Variants in CFAP46 observed in about 807,000 individuals in gnomAD.
CFAP46 encodes the protein cilia and flagella associated protein 46, also known as cilia- and flagella-associated protein 46.
A neutral mutation model predicts 325.7 loss-of-function variants in CFAP46; 245 were observed. The ratio of observed to expected loss-of-function variants is 0.75; its 90% confidence interval spans 0.68 to 0.84. CFAP46 has a LOEUF of 0.84. Among genes scored for constraint, CFAP46 ranks in the 40% least tolerant of loss-of-function variants. CFAP46 has a pLI of 0.00. For synonymous variants in CFAP46, 1,523 were observed against 1,495.9 expected (o/e 1.02, Z -0.42); for missense variants, 3,346 against 3,543.0 (o/e 0.94, Z 1.41).
chr10:132,877,944 A>G lies in CFAP46; in HGVS notation c.4149T>C (p.Asn1383=). 6.5e-7 allele frequency: 1 copy of G among 1,548,794 alleles called. No homozygotes were observed. The highest frequency in any genetic ancestry group is 8.7e-7 in the Non-Finnish European group (1 of 1,146,290). The change falls in exon 30 of 58, where the codon AAT becomes AAC. Residue 1383 remains asparagine (N), a synonymous_variant. Transcript: ENST00000368586. This position sits in a 1 kb window ranked among gnomAD's most constrained non-coding sequence, Gnocchi z 5.7. ...KEKERSKEKE[N]ERSKEKDKEK... is the part of the protein sequence containing the mutation. ...CCTTGTCCTTCTCTTTACTCCTCTC[A>G]TTCTCCTTCTCTTTACTCCTCTCCT...
chr10:132,912,544 T>TCTCTCTCTCTTCAC (rs1849564742), intron 19 of CFAP46, 111 bp downstream of exon 19: 4 of 966,474 alleles, frequency 4.1e-6, no homozygotes, highest in African/African-American at 1.8e-5. Context: ...TCCTCTCCTC[T>TCTCTCTCTCTTCAC]CTCTCTCTCT....
intron 48 of CFAP46, 117 bp from the exon 49 acceptor site, chr10:132,834,240 C>T (rs1255900219): frequency 2.1e-6 from 2 of 936,514 alleles, no homozygotes; most frequent in Non-Finnish European, 3.3e-6. Context: ...AATCCCCACG[C>T]TCACTTCTGG....
chr10:132,857,065 G>GT (rs1333634754), intron 39 of CFAP46, among the ~76,000 whole-genome samples: 1 of 152,230 alleles, frequency 6.6e-6, no homozygotes, highest in Non-Finnish European at 1.5e-5. Flanking sequence ...GGATCATGAG[G>GT]TTTTCCAATC....
At position 132,827,616 on chromosome 10, in the gene CFAP46, AGCTG is replaced by A. The variant is rs1414001210; in HGVS notation, c.7117+5738_7117+5741del. Among the ~76,000 whole-genome samples, 3 of 152,032 alleles carry A rather than the reference AGCTG, an allele frequency of 2.0e-5. No homozygotes were observed. The highest frequency in any genetic ancestry group is 7.2e-5 in the African/African-American group (3 of 41,398). ...TGTTCAGGTTCAACTGACCACAGGG[AGCTG>A]CCTGCATTTAAAGTGAGCAACGTGA... On this transcript the variant is annotated intron_variant, in intron 50 of 57. Coordinates refer to ENST00000368586, the MANE Select transcript of CFAP46 (RefSeq NM_001200049.3). The surrounding 1 kb of genome is among the most constrained non-coding windows in gnomAD (Gnocchi z 5.7).
At chr10:132,810,871 C>T (rs1847566543) in intron 56 of CFAP46, 79 bp downstream of exon 56, 17 of 1,342,052 alleles carry the variant, frequency 1.3e-5, no homozygotes, top group Non-Finnish European at 1.8e-5. Context: ...GGTCCCTCCT[C>T]CCTTGTGGGT....
rs896360314 is a variant in CFAP46, at chr10:132,866,211, C to T, written c.4744-40G>A. ...AGCCCCAGGCGGCACGATCCTGACA[C>T]TTGTGACCTCTGAGTCTCACGGGAC... On this transcript the variant is annotated intron_variant, in intron 34 of 57. Coordinates refer to ENST00000368586, the MANE Select transcript of CFAP46 (RefSeq NM_001200049.3). 1.1e-5 allele frequency: 16 copies of T among 1,457,668 alleles called. No homozygotes were observed. The Admixed American group carries it at 2.9e-4, about 26-fold the overall frequency. 90.3% of individuals were successfully genotyped at this position (1,457,668 alleles called of 1,614,324 possible). A position where few individuals can be genotyped will look rare whatever the true frequency, so the allele number is the denominator to read the frequency against.
At chr10:132,887,684 CCT>C (rs762517707) in intron 25 of CFAP46, among the ~76,000 whole-genome samples, 23 of 108,696 alleles carry the variant, frequency 2.1e-4, no homozygotes, top group African/African-American at 3.3e-4. Context: ...TCTCTCCTCT[CCT>C]CTCTCTCTCC....
chr10:132,845,017 C>G (rs1213957049), intron 44 of CFAP46, among the ~76,000 whole-genome samples: 2 of 152,186 alleles, frequency 1.3e-5, no homozygotes, highest in Non-Finnish European at 2.9e-5. Flanking sequence ...CCATGTCCAG[C>G]TTAGGCCACA....
In CFAP46 at chr10:132,846,315, C is replaced by T. The variant is rs772574892; in HGVS notation, c.6268-88G>A. ...TGCGGAGGGTGCGCAGCAGCTGCAG[C>T]CTGGGAGCAGGAGTGGGCTGGCTCT... On this transcript the variant is annotated intron_variant, in intron 43 of 57. Coordinates refer to ENST00000368586, the MANE Select transcript of CFAP46 (RefSeq NM_001200049.3). 3.0e-4 allele frequency: 442 copies of T among 1,464,254 alleles called. 4 individuals carry two copies. The highest frequency in any genetic ancestry group is 1.1e-3 in the Admixed American group (49 of 45,844). 90.7% of individuals were successfully genotyped at this position (1,464,254 alleles called of 1,614,324 possible).
chr10:132,872,043 G>A (rs1848901882), intron 32 of CFAP46, among the ~76,000 whole-genome samples: 1 of 152,078 alleles, frequency 6.6e-6, no homozygotes, highest in Non-Finnish European at 1.5e-5. Context: ...TAGACATAAG[G>A]CTATCACACA....
intron 50 of CFAP46, among the ~76,000 whole-genome samples, 168 bp from the exon 51 acceptor site, chr10:132,815,082 T>G (rs1847668201): frequency 6.6e-6 from 1 of 151,996 alleles, no homozygotes; most frequent in East Asian, 1.9e-4. Flanking sequence ...GGCAATAACT[T>G]GTGAAATGCA....
rs1017805035 is a variant in CFAP46 at position 132,846,109 on chromosome 10, G to T, written c.6386C>A (p.Thr2129Asn). Residue 2129 changes from threonine to asparagine, a missense_variant, in exon 44 of 58, where the codon ACC becomes AAC. Coordinates refer to ENST00000368586, the MANE Select transcript of CFAP46 (RefSeq NM_001200049.3). ...CACACGGGCGCCCAGGCTGGTGGTG[G>T]TCCTGTCTTGGCACCGGAGCTGGTG... ...LQHQLRCQDRTTTSLGARVEQ... is the reference protein window; with the variant it reads ...LQHQLRCQDRNTTSLGARVEQ... The T allele has an allele frequency of 1.9e-6, 3 of 1,607,784 alleles. No homozygotes were observed. Among genetic ancestry groups the T allele is most frequent in the Non-Finnish European group, 2.5e-6 (3 of 1,179,174 alleles).
chr10:132,937,885 T>C (rs1850033942), intron 5 of CFAP46, among the ~76,000 whole-genome samples: 1 of 152,188 alleles, frequency 6.6e-6, no homozygotes, highest in African/African-American at 2.4e-5. Context: ...ACCGGGGCAT[T>C]TTGAAATGAA....
chr10:132,832,664 G>A lies in CFAP46; in HGVS notation c.7117+694C>T, dbSNP rs1028990935. 15 of 427,340 alleles carry A rather than the reference G, an allele frequency of 3.5e-5. No homozygotes were observed. Among genetic ancestry groups the A allele is most frequent in the East Asian group, 7.6e-5 (1 of 13,144 alleles). 26.5% of individuals were successfully genotyped at this position (427,340 alleles called of 1,614,324 possible). ...GATACCGAAGTGCAGAAAACTGCAC[G>A]TACCGCAAGGGTAGCGCTCGGGGAA... On this transcript the variant is annotated intron_variant, in intron 50 of 57. Transcript: ENST00000368586. The surrounding 1 kb of genome is among the most constrained non-coding windows in gnomAD (Gnocchi z 4.1).
At chr10:132,856,985 C>T (rs534710570) in intron 39 of CFAP46, among the ~76,000 whole-genome samples, 10 of 152,158 alleles carry the variant, frequency 6.6e-5, no homozygotes, top group Non-Finnish European at 1.5e-4. Flanking sequence ...AGGTCTGGAG[C>T]GGGGCTCACC....
chr10:132,906,445 G>A (rs148395818), intron 22 of CFAP46, among the ~76,000 whole-genome samples: 6 of 152,174 alleles, frequency 3.9e-5, no homozygotes, highest in Non-Finnish European at 7.4e-5. Context: ...AAGAGTGAAC[G>A]GGGTCCTGGC....
At position 132,880,944 on chromosome 10, in the gene CFAP46, A is replaced by T; in HGVS notation, c.3716T>A (p.Val1239Asp). The change falls in exon 28 of 58, where the codon GTC becomes GAC. Residue 1239 changes from valine (V) to aspartate (D), a missense_variant. Physicochemically the swap from Val to Asp is radical, Grantham distance 152 (BLOSUM62 -3). Coordinates refer to ENST00000368586, the MANE Select transcript of CFAP46 (RefSeq NM_001200049.3). ...HHRHFPLEDV[V>D]FHLRWAVEIL... is the part of the protein sequence containing the mutation. ...CTCGACAGCCCAGCGGAGGTGGAAG[A>T]CCACGTCCTCGAGAGGAAAGTGTCT... The T allele has an allele frequency of 1.3e-6, 2 of 1,550,432 alleles. No homozygotes were observed. Among genetic ancestry groups the T allele is most frequent in the South Asian group, 1.2e-5 (1 of 84,062 alleles).
rs1212460421 is a variant in CFAP46, at chr10:132,892,486, A to T, written c.3220-69T>A. ...AGACAGTCTTTCACCATGAGATAAGAAACTCCCCCTCTGAGCTCTGTGTTC... is the reference window on the plus strand; with the variant it reads ...AGACAGTCTTTCACCATGAGATAAGTAACTCCCCCTCTGAGCTCTGTGTTC... On this transcript the variant is annotated intron_variant, in intron 24 of 57. Transcript: ENST00000368586. The T allele has an allele frequency of 1.0e-5, 14 of 1,401,390 alleles. No homozygotes were observed. The East Asian group carries it at 3.0e-4, about 30-fold the overall frequency. 86.8% of individuals were successfully genotyped at this position (1,401,390 alleles called of 1,614,324 possible).
chr10:132,808,397 T>TTTG lies in CFAP46; in HGVS notation c.*21_*23dup. 6.3e-7 allele frequency: 1 copy of TTTG among 1,585,490 alleles called. No homozygotes were observed. Among genetic ancestry groups the TTTG allele is most frequent in the Non-Finnish European group, 8.6e-7 (1 of 1,160,534 alleles). ...CGGAAACCACTCACAGAGACTGGCT[T>TTTG]TTGTTGTTTGTTTAGTGGAACACTC... is the stretch of plus-strand genomic sequence containing the variant. On this transcript the variant is annotated 3_prime_UTR_variant, in exon 58 of 58. Transcript: ENST00000368586. The surrounding 1 kb of genome is among the most constrained non-coding windows in gnomAD (Gnocchi z 6.8).
Sources: allele counts gnomAD v4.1 joint callset (sites outside exome capture counted in the v4.1 genomes callset), GRCh38; gene constraint gnomAD v4.1.1; non-coding constraint Gnocchi (gnomAD v3.1); transcripts MANE v1.5; gene names NCBI Gene and HGNC (gene_info 2026-07-23, HGNC 2026-07-21).